The following ACOXL variants were observed in gnomAD, a reference collection of about 807,000 sequenced individuals.
ACOXL encodes acyl-coenzyme A oxidase-like protein.
Under a neutral mutation model 71.9 loss-of-function variants are expected in ACOXL, and 70 were observed. The ratio of observed to expected loss-of-function variants is 0.97; its 90% CI spans 0.80 to 1.19. ACOXL has a LOEUF of 1.19. ACOXL is among the 50% of genes most tolerant of loss of function. ACOXL has a pLI of 0.00. For synonymous variants in ACOXL, 253 were observed against 281.6 expected, an observed-to-expected ratio of 0.90 and a Z score of 1.02; for missense variants, 703 against 736.3, an observed-to-expected ratio of 0.95 and a Z score of 0.52.
chr2:110,774,659 A>G (rs1682411416), intron 2 of ACOXL, among the ~76,000 whole-genome samples: 1 of 152,222 alleles, frequency 6.6e-6, no homozygotes. Context: ...AATTGCTGAA[A>G]GTAATAAAAG....
chr2:110,912,961 T>G (rs528233767), intron 11 of ACOXL, among the ~76,000 whole-genome samples: 1 of 152,240 alleles, frequency 6.6e-6, no homozygotes, highest in African/African-American at 2.4e-5. Context: ...TCCAAAGACT[T>G]TCCTCCAAAG....
intron 1 of ACOXL, among the ~76,000 whole-genome samples, chr2:110,755,997 T>C (rs1055026555): frequency 6.6e-6 from 1 of 151,522 alleles, no homozygotes; most frequent in Non-Finnish European, 1.5e-5. Flanking sequence ...GTAGGGCATT[T>C]TGGGAATGGG....
intron 12 of ACOXL, among the ~76,000 whole-genome samples, chr2:110,955,762 C>T (rs2061476748): frequency 2.0e-5 from 3 of 151,990 alleles, no homozygotes; most frequent in African/African-American, 7.3e-5. Flanking sequence ...TCAGCTGGAA[C>T]AAGCGTCCTC....
intron 16 of ACOXL, among the ~76,000 whole-genome samples, chr2:111,059,972 A>T (rs1414878127): frequency 6.6e-6 from 1 of 150,932 alleles, no homozygotes; most frequent in Non-Finnish European, 1.5e-5. Flanking sequence ...GAAACAGAAG[A>T]CTCCTCCTGC....
intron 9 of ACOXL, among the ~76,000 whole-genome samples, chr2:110,833,290 A>G (rs139441853): frequency 5.3e-4 from 81 of 152,342 alleles, no homozygotes; most frequent in African/African-American, 1.8e-3. Context: ...ATGAATCTCT[A>G]GACAATTATT....
At chr2:110,794,425 C>T (rs752798080) in intron 5 of ACOXL, among the ~76,000 whole-genome samples, 15 of 152,220 alleles carry the variant, frequency 9.9e-5, no homozygotes, top group Non-Finnish European at 1.9e-4. Flanking sequence ...CTGCTTCAAG[C>T]ACTTTGTGTG....
intron 9 of ACOXL, 118 bp from the exon 10 acceptor site, chr2:110,841,253 T>C (rs1433971311): frequency 1.4e-6 from 1 of 694,244 alleles, no homozygotes; most frequent in East Asian, 2.7e-5. Flanking sequence ...AAGCATTAGC[T>C]GTAGGGCATT....
intron 9 of ACOXL, among the ~76,000 whole-genome samples, chr2:110,836,986 C>T (rs1339545299): frequency 2.6e-5 from 4 of 152,184 alleles, no homozygotes; most frequent in East Asian, 1.9e-4. Flanking sequence ...TAGTTTAAAA[C>T]GTGGAAATTT....
chr2:110,959,478 C>T (rs1218338123), intron 12 of ACOXL, among the ~76,000 whole-genome samples: 1 of 152,146 alleles, frequency 6.6e-6, no homozygotes, highest in Non-Finnish European at 1.5e-5. Context: ...TCCACTTCCT[C>T]CCCCTGAAAA....
At chr2:110,810,639 TCATCCATCCATC>T (rs773348069) in intron 9 of ACOXL, among the ~76,000 whole-genome samples, 1 of 152,006 alleles carries the variant, frequency 6.6e-6, no homozygotes, top group African/African-American at 2.4e-5. Flanking sequence ...CACCCATCCA[TCATCCATCCATC>T]CATCCATCAT....
intron 16 of ACOXL, among the ~76,000 whole-genome samples, chr2:111,055,407 G>A (rs1431189910): frequency 6.6e-6 from 1 of 152,186 alleles, no homozygotes; most frequent in Non-Finnish European, 1.5e-5. Context: ...GCTAGTTTAA[G>A]CACCAAACCT....
rs546676471 is a variant in ACOXL, at chr2:110,803,525, A to G, written c.621-1738A>G. Among the ~76,000 whole-genome samples the G allele has an allele frequency of 3.9e-5, 6 of 152,326 alleles. 1 individual carries two copies. The South Asian group carries it at 8.3e-4, about 21-fold the overall frequency. ...TACCATATACAAAAATCAACTCAAA[A>G]TGGATCACAGACCTAAATGTAAGAG... On this transcript the variant is annotated intron_variant, in intron 8 of 17. Transcript: ENST00000439055.
chr2:111,032,761 G>A (rs1047331454), intron 15 of ACOXL, among the ~76,000 whole-genome samples: 15 of 152,072 alleles, frequency 9.9e-5, no homozygotes, highest in East Asian at 5.8e-4. Flanking sequence ...GTGTGCCTGC[G>A]TCCAACACAA....
intron 10 of ACOXL, among the ~76,000 whole-genome samples, chr2:110,876,984 TA>T (rs1280934255): frequency 2.0e-5 from 3 of 152,186 alleles, no homozygotes; most frequent in African/African-American, 7.2e-5. Flanking sequence ...GTCTCTCTAC[TA>T]CTCCCCATCC....
At chr2:110,895,231 A>C (rs1406388223) in intron 10 of ACOXL, among the ~76,000 whole-genome samples, 1 of 152,202 alleles carries the variant, frequency 6.6e-6, no homozygotes, top group Non-Finnish European at 1.5e-5. Context: ...GATATAAAGC[A>C]GAACCAAGTG....
chr2:110,742,322 G>T (rs980532130), intron 1 of ACOXL, among the ~76,000 whole-genome samples: 2 of 152,188 alleles, frequency 1.3e-5, no homozygotes, highest in Non-Finnish European at 2.9e-5. Context: ...AAGGGGCATT[G>T]TCAACCTCTT....
At chr2:111,094,908 C>G (rs1400682982) in intron 17 of ACOXL, among the ~76,000 whole-genome samples, 2 of 151,942 alleles carry the variant, frequency 1.3e-5, no homozygotes, top group Non-Finnish European at 2.9e-5. Flanking sequence ...CTAGTTTGGG[C>G]CTATTCACAG....
At chr2:110,950,880 G>C (rs1387693531) in intron 12 of ACOXL, among the ~76,000 whole-genome samples, 1 of 150,560 alleles carries the variant, frequency 6.6e-6, no homozygotes, top group Non-Finnish European at 1.5e-5. Flanking sequence ...GGACTGGGAA[G>C]GGGTCTGGAG....
intron 9 of ACOXL, among the ~76,000 whole-genome samples, chr2:110,808,818 A>G (rs1686971558): frequency 6.6e-6 from 1 of 152,204 alleles, no homozygotes; most frequent in Non-Finnish European, 1.5e-5. Flanking sequence ...ATTACAACTC[A>G]TGAGTGTAGC....
Sources: allele counts gnomAD v4.1 joint callset (sites outside exome capture counted in the v4.1 genomes callset), GRCh38; gene constraint gnomAD v4.1.1; transcripts MANE v1.5; gene names NCBI Gene and HGNC (gene_info 2026-07-23, HGNC 2026-07-21).